ST3GAL3: variants seen among roughly 807,000 people sequenced by gnomAD.
The protein encoded by ST3GAL3 is CMP-N-acetylneuraminate-beta-1,4-galactoside alpha-2,3-sialyltransferase.
Under a neutral mutation model 50.1 loss-of-function variants are expected in ST3GAL3, and 21 were observed. The observed-to-expected ratio is 0.42, with a 90% CI of 0.30 to 0.60. The LOEUF (loss-of-function observed/expected upper bound fraction) is 0.60, where lower values mean the gene tolerates loss of function less well. Ranked by LOEUF, ST3GAL3 falls within the 20% of genes least tolerant of loss-of-function variation. ST3GAL3 has a pLI of 0.19. For synonymous variants in ST3GAL3, 183 were observed against 190.0 expected (o/e 0.96, Z 0.30); for missense variants, 353 against 489.4 (o/e 0.72, Z 2.63).
chr1:43,751,862 C>G (rs1300386925), intron 2 of ST3GAL3, among the ~76,000 whole-genome samples: 1 of 152,068 alleles, frequency 6.6e-6, no homozygotes, highest in Non-Finnish European at 1.5e-5. Context: ...TCTCGTCACC[C>G]AGGCTGGAGT....
chr1:43,769,593 A>G (rs1259846780), intron 2 of ST3GAL3, among the ~76,000 whole-genome samples: 1 of 152,178 alleles, frequency 6.6e-6, no homozygotes, highest in Non-Finnish European at 1.5e-5. Context: ...AGGAAAGAGA[A>G]GCAAAGGAAA....
At chr1:43,712,651 A>G (rs1665351181) in intron 1 of ST3GAL3, among the ~76,000 whole-genome samples, 1 of 152,220 alleles carries the variant, frequency 6.6e-6, no homozygotes, top group Non-Finnish European at 1.5e-5. Flanking sequence ...CGTGGGGAAT[A>G]TGAGTACTGG....
intron 5 of ST3GAL3, among the ~76,000 whole-genome samples, chr1:43,866,894 G>A (rs955585790): frequency 2.0e-5 from 3 of 152,184 alleles, no homozygotes; most frequent in Admixed American, 6.5e-5. Flanking sequence ...CACTTTGGGA[G>A]GCCGTGGTGG....
chr1:43,928,396 A>G (rs181574237), intron 11 of ST3GAL3, among the ~76,000 whole-genome samples: 1 of 151,702 alleles, frequency 6.6e-6, no homozygotes, highest in East Asian at 2.0e-4. Context: ...GTCAGGAGAT[A>G]GAGACCATCC....
At chr1:43,760,735 G>A (rs528652100) in intron 2 of ST3GAL3, among the ~76,000 whole-genome samples, 5 of 151,574 alleles carry the variant, frequency 3.3e-5, no homozygotes, top group African/African-American at 1.2e-4. Context: ...CAGCTTGGGT[G>A]ACACAGCAAG....
chr1:43,734,447 G>A (rs1300218245), intron 1 of ST3GAL3, among the ~76,000 whole-genome samples: 3 of 151,582 alleles, frequency 2.0e-5, no homozygotes, highest in Admixed American at 2.0e-4. Flanking sequence ...TAGGACCACA[G>A]ATGCACACTA....
Position 43,718,677 on chromosome 1 carries a change from ATCTTTT to A in ST3GAL3, c.-31+10986_-31+10991del, listed in dbSNP as rs1243940691. On this transcript the variant is annotated intron_variant, in intron 1 of 11. Transcript: ENST00000347631. ...ATACGTGTTTTTATCCTTCTGCTAC[ATCTTTT>A]TTTTTTTTTTTTTTTTTTTTTTAGG... is the stretch of plus-strand genomic sequence containing the variant. Among the ~76,000 whole-genome samples the A allele has an allele frequency of 1.8e-3, 215 of 120,308 alleles. 3 individuals carry two copies. Among genetic ancestry groups the A allele is most frequent in the African/African-American group, 6.7e-3 (211 of 31,478 alleles). The allele number at this position is 120,308 out of a possible 152,430, so 78.9% of individuals were successfully genotyped here.
rs66500354 is a variant in ST3GAL3, at chr1:43,875,897, CTCTTCTTCT to C, written c.303-18439_303-18431del. Reference sequence around the variant, plus strand: ...CCTGATGATAATTGCTTTAGAATTTCTCTTCTTCTTCTTCTTCTTCTTCTTCTTCTTCTT... The same window carrying C: ...CCTGATGATAATTGCTTTAGAATTTCTCTTCTTCTTCTTCTTCTTCTTCTT... On this transcript the variant is annotated intron_variant, in intron 5 of 11. Coordinates refer to ENST00000347631, the MANE Select transcript of ST3GAL3 (RefSeq NM_006279.5). 8.5e-3 allele frequency among the ~76,000 whole-genome samples: 1,136 copies of C among 133,970 alleles called. 13 individuals carry two copies. Among genetic ancestry groups the C allele is most frequent in the South Asian group, 0.035 (129 of 3,706 alleles). The allele number at this position is 133,970 out of a possible 152,430, so 87.9% of individuals were successfully genotyped here.
At chr1:43,741,643 C>T (rs987521353) in intron 2 of ST3GAL3, among the ~76,000 whole-genome samples, 5 of 152,100 alleles carry the variant, frequency 3.3e-5, no homozygotes, top group African/African-American at 1.2e-4. Flanking sequence ...TGTTTCTGGC[C>T]TCTGGCTTAG....
chr1:43,923,084 G>A (rs917208833), intron 11 of ST3GAL3, among the ~76,000 whole-genome samples: 1 of 151,616 alleles, frequency 6.6e-6, no homozygotes, highest in African/African-American at 2.4e-5. Flanking sequence ...GCAAGACTCC[G>A]TCTCAAAAAA....
intron 5 of ST3GAL3, chr1:43,879,636 G>C (rs2074753443): frequency 3.0e-6 from 1 of 335,992 alleles, no homozygotes; most frequent in Admixed American, 4.0e-5. Context: ...CAGTTGGCAA[G>C]AGAGAGATTT....
intron 5 of ST3GAL3, among the ~76,000 whole-genome samples, chr1:43,882,493 A>G (rs963349020): frequency 6.6e-6 from 1 of 152,208 alleles, no homozygotes; most frequent in African/African-American, 2.4e-5. Context: ...GTATTAGTTT[A>G]CATAACTGTG....
chr1:43,842,130 TAG>T (rs2154200521), intron 5 of ST3GAL3: 1 of 152,376 alleles, frequency 6.6e-6, no homozygotes, highest in South Asian at 2.1e-4. Context: ...CTTGTTGGCC[TAG>T]ATTTCATTGG....
chr1:43,749,992 A>G (rs574167295), intron 2 of ST3GAL3, among the ~76,000 whole-genome samples: 23 of 152,284 alleles, frequency 1.5e-4, no homozygotes, highest in African/African-American at 5.3e-4. Context: ...TGACTTCAGA[A>G]TCTCTAGAAC....
At chr1:43,709,639 G>T (rs1663558146) in intron 1 of ST3GAL3, 1 of 151,454 alleles carries the variant, frequency 6.6e-6, no homozygotes, top group Non-Finnish European at 1.5e-5. Flanking sequence ...CCTTGAGTTC[G>T]AGACCAGCCT....
intron 1 of ST3GAL3, among the ~76,000 whole-genome samples, chr1:43,718,268 C>G (rs565182087): frequency 1.4e-5 from 2 of 143,060 alleles, no homozygotes; most frequent in Admixed American, 1.4e-4. Flanking sequence ...TGGCTCACTG[C>G]AAGCTATCCC....
intron 2 of ST3GAL3, among the ~76,000 whole-genome samples, chr1:43,740,215 T>C (rs973037694): frequency 6.6e-6 from 1 of 151,434 alleles, no homozygotes; most frequent in Admixed American, 6.6e-5. Context: ...TACAAAAAAT[T>C]AGCCAGGTGT....
chr1:43,856,881 C>T (rs1203007410), intron 5 of ST3GAL3, among the ~76,000 whole-genome samples: 2 of 152,208 alleles, frequency 1.3e-5, no homozygotes, highest in Non-Finnish European at 2.9e-5. Flanking sequence ...CGTCTCTTTC[C>T]TCTTTGCTCT....
intron 6 of ST3GAL3, among the ~76,000 whole-genome samples, chr1:43,896,528 G>A (rs1185117146): frequency 6.6e-6 from 1 of 152,110 alleles, no homozygotes; most frequent in Admixed American, 6.6e-5. Flanking sequence ...CCTGGCTTCA[G>A]TGTTGGCATT....
Sources: allele counts gnomAD v4.1 joint callset (sites outside exome capture counted in the v4.1 genomes callset), GRCh38; gene constraint gnomAD v4.1.1; transcripts MANE v1.5; gene names NCBI Gene and HGNC (gene_info 2026-07-23, HGNC 2026-07-21).